Variants in RGS6 observed in about 807,000 individuals in gnomAD.
RGS6 encodes regulator of G protein signaling 6.
Under a neutral mutation model 78.5 loss-of-function variants are expected in RGS6, and 30 were observed. That is an observed-to-expected ratio of 0.38 (90% CI 0.29 to 0.52). The LOEUF (loss-of-function observed/expected upper bound fraction) is 0.52. RGS6 is among the 20% of genes least tolerant of loss of function. The pLI is 0.85. For missense variants in RGS6, 495 were observed against 609.7 expected, an observed-to-expected ratio of 0.81 and a Z score of 1.98; for synonymous variants, 206 against 206.0, an observed-to-expected ratio of 1.00 and a Z score of 0.00.
intron 9 of RGS6, 55 bp downstream of exon 9, chr14:72,473,008 A>C (rs1357660504): frequency 7.6e-7 from 1 of 1,321,224 alleles, no homozygotes; most frequent in East Asian, 2.4e-5. Context: ...GTTCATTTTT[A>C]TCTCTATAAA....
intron 13 of RGS6, among the ~76,000 whole-genome samples, chr14:72,501,360 T>C (rs1298468262): frequency 2.0e-5 from 3 of 151,608 alleles, no homozygotes; most frequent in African/African-American, 7.3e-5. Context: ...AGCTATTCGA[T>C]CTGGAAGTCC....
the RGS6 span, among the ~76,000 whole-genome samples, chr14:72,611,531 C>T: frequency 6.6e-6 from 1 of 152,240 alleles, no homozygotes; most frequent in East Asian, 1.9e-4. Context: ...CAGTCCCGCT[C>T]TCTGCTTTCT....
chr14:72,601,047 G>A, the RGS6 span, among the ~76,000 whole-genome samples: 1 of 149,944 alleles, frequency 6.7e-6, no homozygotes, highest in Non-Finnish European at 1.5e-5. Flanking sequence ...GGAGGAGAAG[G>A]GGGAAGAGGA....
At chr14:72,241,325 G>T (rs2052762719) in intron 2 of RGS6, among the ~76,000 whole-genome samples, 1 of 152,132 alleles carries the variant, frequency 6.6e-6, no homozygotes, top group South Asian at 2.1e-4. Flanking sequence ...TTCACCATGT[G>T]CTTTATTTCT....
At chr14:72,160,508 G>A (rs1186982723) in intron 2 of RGS6, among the ~76,000 whole-genome samples, 1 of 152,178 alleles carries the variant, frequency 6.6e-6, no homozygotes, top group African/African-American at 2.4e-5. Flanking sequence ...GGGCTGAATT[G>A]TGTTCCCCTA....
intron 2 of RGS6, among the ~76,000 whole-genome samples, chr14:72,105,685 G>A (rs537694704): frequency 9.9e-5 from 15 of 152,198 alleles, no homozygotes; most frequent in African/African-American, 2.4e-4. Context: ...TCTCAGGTGC[G>A]CTTTGCTTTT....
intron 3 of RGS6, among the ~76,000 whole-genome samples, chr14:72,450,664 A>G (rs930895814): frequency 2.2e-4 from 33 of 152,328 alleles, no homozygotes; most frequent in East Asian, 5.8e-4. Flanking sequence ...CTTGACTAAG[A>G]TAAGATCCAG....
the RGS6 span, among the ~76,000 whole-genome samples, chr14:71,909,292 C>A: frequency 1.1e-4 from 16 of 152,152 alleles, no homozygotes; most frequent in African/African-American, 3.9e-4. Context: ...GCCTTGAATT[C>A]TTTTCTGCAT....
Position 72,547,702 on chromosome 14 carries a change from C to T in RGS6, c.1422+7608C>T, listed in dbSNP as rs150518047. Among the ~76,000 whole-genome samples the T allele has an allele frequency of 5.4e-3, 798 of 148,728 alleles. 6 individuals carry two copies. The highest frequency in any genetic ancestry group is 0.01 in the Middle Eastern group (3 of 290). ...CTTCCCAATGGGTGGGAAGGTGAGA[C>T]GGGGTTGGAAGCATGGAGCCACCCC... is the stretch of plus-strand genomic sequence containing the variant. On this transcript the variant is annotated intron_variant, in intron 17 of 17. Coordinates refer to ENST00000553525, the MANE Select transcript of RGS6 (RefSeq NM_001204424.2).
chr14:72,461,852 C>T (rs1269462574), intron 6 of RGS6, among the ~76,000 whole-genome samples: 1 of 152,174 alleles, frequency 6.6e-6, no homozygotes, highest in Non-Finnish European at 1.5e-5. Flanking sequence ...CTCTGTGCCT[C>T]AGAGACCTCA....
At chr14:72,629,873 C>T in the RGS6 span, 4 of 689,656 alleles carry the variant, frequency 5.8e-6, no homozygotes, top group Admixed American at 6.6e-5. Context: ...AATGGGGACC[C>T]AAACAGGGCC....
chr14:71,963,954 CTG>C (rs1295525984), intron 1 of RGS6, among the ~76,000 whole-genome samples: 1 of 151,808 alleles, frequency 6.6e-6, no homozygotes, highest in African/African-American at 2.4e-5. Flanking sequence ...TCAGCAGTGA[CTG>C]TGTCATTTTA....
chr14:72,251,529 A>G, intron 2 of RGS6, among the ~76,000 whole-genome samples: 1 of 152,224 alleles, frequency 6.6e-6, no homozygotes, highest in East Asian at 1.9e-4. Flanking sequence ...TCAGCATGCC[A>G]AAGCACTTTA....
intron 2 of RGS6, among the ~76,000 whole-genome samples, chr14:72,236,516 C>G (rs550551602): frequency 1.9e-4 from 29 of 151,836 alleles, no homozygotes; most frequent in African/African-American, 7.0e-4. Context: ...TACAGACATT[C>G]TTTTTTTTTC....
At chr14:72,366,025 C>G (rs1446288727) in intron 3 of RGS6, among the ~76,000 whole-genome samples, 1 of 152,118 alleles carries the variant, frequency 6.6e-6, no homozygotes, top group African/African-American at 2.4e-5. Flanking sequence ...TCATCAGAGT[C>G]TGAGTGACCC....
At chr14:72,392,459 A>G (rs2090233700) in intron 3 of RGS6, among the ~76,000 whole-genome samples, 1 of 152,060 alleles carries the variant, frequency 6.6e-6, no homozygotes, top group South Asian at 2.1e-4. Context: ...GTCCTACAGG[A>G]TATGCCGGCT....
chr14:72,259,268 A>G (rs74751684), intron 2 of RGS6, among the ~76,000 whole-genome samples: 2,931 of 152,342 alleles, frequency 0.019, 54 homozygotes, highest in Non-Finnish European at 0.03. Context: ...TCAGATGATC[A>G]GTTAATATTG....
chr14:72,383,177 C>CATATATATATAT lies in RGS6; in HGVS notation c.184+31009_184+31020dup, dbSNP rs35175623. On this transcript the variant is annotated intron_variant, in intron 3 of 17. Transcript: ENST00000553525. ...TATTTACAGCCATGAAAAAATTGTA[C>CATATATATATAT]ATATATATATATATATATATATATA... Among the ~76,000 whole-genome samples the CATATATATATAT allele has an allele frequency of 1.2e-3, 88 of 71,004 alleles. 2 individuals carry two copies. The highest frequency in any genetic ancestry group is 1.7e-3 in the Non-Finnish European group (57 of 34,128). 46.6% of individuals were successfully genotyped at this position (71,004 alleles called of 152,430 possible). A position where few individuals can be genotyped will look rare whatever the true frequency, so the allele number is the denominator to read the frequency against.
chr14:71,916,643 G>A, the RGS6 span, among the ~76,000 whole-genome samples: 1 of 152,130 alleles, frequency 6.6e-6, no homozygotes, highest in African/African-American at 2.4e-5. Flanking sequence ...ATTCAGAGAT[G>A]GCACCACTGA....
Sources: allele counts gnomAD v4.1 joint callset (sites outside exome capture counted in the v4.1 genomes callset), GRCh38; gene constraint gnomAD v4.1.1; transcripts MANE v1.5; gene names NCBI Gene and HGNC (gene_info 2026-07-23, HGNC 2026-07-21).